Variants in SLC39A11 observed in about 807,000 individuals in gnomAD.
SLC39A11 encodes solute carrier family 39 member 11.
A neutral mutation model predicts 36.1 loss-of-function variants in SLC39A11; 33 were observed. That is an observed-to-expected ratio of 0.91 (90% CI 0.69 to 1.22). SLC39A11 has a LOEUF of 1.22. SLC39A11 is among the 50% of genes most tolerant of loss of function. The pLI is 0.00. For missense variants in SLC39A11, 432 were observed against 430.3 expected (o/e 1.00, Z -0.03); for synonymous variants, 166 against 170.3 (o/e 0.97, Z 0.20).
intron 4 of SLC39A11, among the ~76,000 whole-genome samples, chr17:73,017,022 T>C (rs1380051554): frequency 6.6e-6 from 1 of 152,068 alleles, no homozygotes; most frequent in Non-Finnish European, 1.5e-5. Flanking sequence ...CAAGGAGAGG[T>C]ATAGAAACTT....
chr17:72,845,819 T>A (rs2079020888), intron 6 of SLC39A11, among the ~76,000 whole-genome samples: 1 of 152,190 alleles, frequency 6.6e-6, no homozygotes, highest in African/African-American at 2.4e-5. Flanking sequence ...TCCAGTTTAC[T>A]GAAACCAGTG....
At chr17:72,952,092 C>T (rs1259540452) in intron 4 of SLC39A11, among the ~76,000 whole-genome samples, 1 of 152,176 alleles carries the variant, frequency 6.6e-6, no homozygotes, top group African/African-American at 2.4e-5. Context: ...CATGTGCTCC[C>T]TCCAACATTT....
rs369914964 is a variant in SLC39A11 at position 72,993,809 on chromosome 17, AC to A, written c.306+37746del. Among the ~76,000 whole-genome samples, 1,179 of 151,928 alleles carry A rather than the reference AC, an allele frequency of 7.8e-3. 8 individuals carry two copies. The highest frequency in any genetic ancestry group is 0.01 in the Middle Eastern group (3 of 294). On this transcript the variant is annotated intron_variant, in intron 4 of 9. Transcript: ENST00000255559. The stretch of plus-strand genomic sequence containing the variant: ...CTTCCAAAATTTAAGATTTTTTCCT[AC>A]CCTTGAAATTCCCTGGTGCCTACTG...
At chr17:72,834,886 T>C (rs2078454147) in intron 6 of SLC39A11, among the ~76,000 whole-genome samples, 1 of 152,254 alleles carries the variant, frequency 6.6e-6, no homozygotes, top group Non-Finnish European at 1.5e-5. Context: ...ACTTTCACTC[T>C]GGCTGTAGCT....
intron 3 of SLC39A11, among the ~76,000 whole-genome samples, chr17:73,083,779 T>C (rs966470202): frequency 2.6e-5 from 4 of 152,112 alleles, no homozygotes; most frequent in African/African-American, 7.2e-5. Flanking sequence ...AAATGCAATA[T>C]AGAAACCTTG....
chr17:72,733,888 T>C (rs2074325248), intron 7 of SLC39A11, among the ~76,000 whole-genome samples: 1 of 152,156 alleles, frequency 6.6e-6, no homozygotes, highest in African/African-American at 2.4e-5. Context: ...CTCTGGACTC[T>C]ACACACAAGC....
chr17:72,865,160 C>A (rs1335084319), intron 5 of SLC39A11, among the ~76,000 whole-genome samples: 1 of 152,052 alleles, frequency 6.6e-6, no homozygotes, highest in Non-Finnish European at 1.5e-5. Flanking sequence ...AACACCAAAA[C>A]CAGTTCAGAG....
At chr17:72,872,811 C>G (rs146189975) in intron 5 of SLC39A11, among the ~76,000 whole-genome samples, 1 of 152,120 alleles carries the variant, frequency 6.6e-6, no homozygotes, top group East Asian at 1.9e-4. Context: ...AATCCCAGCA[C>G]TTTGGGAGGC....
At chr17:72,955,309 T>TTTTTTTG (rs776866499) in intron 4 of SLC39A11, among the ~76,000 whole-genome samples, 3 of 137,142 alleles carry the variant, frequency 2.2e-5, no homozygotes, top group Admixed American at 7.6e-5. Context: ...TTTTTTTTTT[T>TTTTTTTG]TTTTTTTTTG....
chr17:73,020,697 T>C (rs571545162), intron 4 of SLC39A11, among the ~76,000 whole-genome samples: 315 of 146,200 alleles, frequency 2.2e-3, no homozygotes, highest in East Asian at 0.018. Context: ...TTTTTTTTTT[T>C]TTTTGAGACG....
intron 7 of SLC39A11, among the ~76,000 whole-genome samples, chr17:72,667,160 C>T (rs1044521609): frequency 3.9e-5 from 6 of 152,162 alleles, no homozygotes; most frequent in Admixed American, 3.9e-4. Context: ...CTAGACCTCC[C>T]TGAAGGGTGT....
intron 6 of SLC39A11, among the ~76,000 whole-genome samples, chr17:72,833,326 AATTCAGAT>A (rs1425586300): frequency 2.0e-5 from 3 of 152,226 alleles, no homozygotes; most frequent in East Asian, 1.9e-4. Flanking sequence ...ATGGAAGAAG[AATTCAGAT>A]ATTCAGATAT....
At chr17:72,899,645 T>C (rs1328043885) in intron 5 of SLC39A11, among the ~76,000 whole-genome samples, 3 of 152,130 alleles carry the variant, frequency 2.0e-5, no homozygotes, top group Non-Finnish European at 4.4e-5. Context: ...GAAAAACTCA[T>C]GTAGCAGAAT....
intron 5 of SLC39A11, among the ~76,000 whole-genome samples, chr17:72,858,386 G>A (rs1420710365): frequency 2.6e-5 from 4 of 152,162 alleles, no homozygotes; most frequent in Non-Finnish European, 4.4e-5. Flanking sequence ...TAGTCCTATG[G>A]TATAGTTTGA....
intron 3 of SLC39A11, among the ~76,000 whole-genome samples, chr17:73,068,981 T>G (rs570924720): frequency 6.6e-6 from 1 of 152,252 alleles, no homozygotes; most frequent in African/African-American, 2.4e-5. Context: ...GAACTATAGG[T>G]TGATCACGTA....
intron 3 of SLC39A11, chr17:73,073,677 T>C (rs1568229612): frequency 6.6e-6 from 1 of 152,132 alleles, no homozygotes; most frequent in Non-Finnish European, 1.5e-5. Flanking sequence ...CGTAGACAAC[T>C]GTCCCAAAAC....
At chr17:73,020,913 C>T (rs1170115064) in intron 4 of SLC39A11, among the ~76,000 whole-genome samples, 1 of 152,026 alleles carries the variant, frequency 6.6e-6, no homozygotes, top group Non-Finnish European at 1.5e-5. Context: ...GAACTCCTGA[C>T]CTTGTGATCT....
At chr17:72,771,624 T>C (rs1368076949) in intron 6 of SLC39A11, among the ~76,000 whole-genome samples, 1 of 151,938 alleles carries the variant, frequency 6.6e-6, no homozygotes, top group Admixed American at 6.6e-5. Context: ...GACAGGACAA[T>C]GGGTGATAAA....
At chr17:73,012,598 A>G (rs1050936506) in intron 4 of SLC39A11, among the ~76,000 whole-genome samples, 2 of 151,574 alleles carry the variant, frequency 1.3e-5, no homozygotes, top group Non-Finnish European at 2.9e-5. Context: ...TTACAAAGGT[A>G]TATTGTGTGA....
Sources: gnomAD v4.1 joint callset for allele counts (sites outside exome capture counted in the v4.1 genomes callset) on GRCh38, gnomAD v4.1.1 for gene constraint, MANE v1.5 for transcripts, NCBI Gene and HGNC (gene_info 2026-07-23, HGNC 2026-07-21) for gene names.